ISL2: variants seen among roughly 807,000 people sequenced by gnomAD.
ISL2 encodes the protein insulin gene enhancer protein ISL-2.
In ISL2, 17 loss-of-function variants were observed where a neutral mutation model predicts 34.6. The ratio of observed to expected loss-of-function variants is 0.49; its 90% CI spans 0.34 to 0.74. ISL2 has a LOEUF of 0.74. ISL2 is among the 30% of genes least tolerant of loss of function. The pLI is 0.01. For synonymous variants in ISL2, 232 were observed against 225.5 expected (o/e 1.03, Z -0.26); for missense variants, 469 against 515.2 (o/e 0.91, Z 0.87).
Position 76,338,327 on chromosome 15 carries a change from C to T in ISL2, c.324C>T (p.Ser108=). The part of the protein sequence containing the change: ...SSDLVMRARD[S]VYHIECFRCS... ...ACCTGGTGATGAGGGCGCGGGACAG[C>T]GTGTACCACATCGAGTGCTTCCGCT... Residue 108 remains serine, a synonymous_variant, in exon 3 of 6, where the codon AGC becomes AGT. Transcript: ENST00000290759. 2 of 1,579,270 alleles carry T rather than the reference C, an allele frequency of 1.3e-6. No individual in the cohort carries two copies. The highest frequency in any genetic ancestry group is 1.7e-6 in the Non-Finnish European group (2 of 1,168,448).
At chr15:76,338,075 T>A in intron 2 of ISL2, 108 bp downstream of exon 2, 1 of 1,311,624 alleles carries the variant, frequency 7.6e-7, no homozygotes, top group Non-Finnish European at 1.0e-6. Flanking sequence ...GAGAAGGCCA[T>A]CCGCATCCCG....
intron 5 of ISL2, 124 bp downstream of exon 5, chr15:76,341,425 G>A (rs907962967): frequency 6.5e-5 from 58 of 890,364 alleles, no homozygotes; most frequent in African/African-American, 1.0e-4. Context: ...CCTAGGCGGT[G>A]GGGGAGGGGG....
chr15:76,341,600 C>A (rs1251290046), intron 5 of ISL2, 119 bp from the exon 6 acceptor site: 2 of 810,294 alleles, frequency 2.5e-6, no homozygotes, highest in South Asian at 3.0e-5. Flanking sequence ...CTCCGCAGGG[C>A]TTGCTCTCAG....
Position 76,340,573 on chromosome 15 carries a change from G to C in ISL2, c.795+14G>C. On this transcript the variant is annotated intron_variant, in intron 4 of 5. Coordinates refer to ENST00000290759, the MANE Select transcript of ISL2 (RefSeq NM_145805.3). The stretch of plus-strand genomic sequence containing the variant: ...AGCGACAAGACGGTGAGCAGCCGCT[G>C]GGCCGGAGGCTCGAGTCGGGTGGGG... 1 of 1,595,424 alleles carries C rather than the reference G, an allele frequency of 6.3e-7. No homozygotes were observed. Among genetic ancestry groups the C allele is most frequent in the Non-Finnish European group, 8.6e-7 (1 of 1,168,222 alleles).
In ISL2 at chr15:76,339,801, G is replaced by GC. The variant is rs1427515458; in HGVS notation, c.512-470dup. 67 of 995,450 alleles carry GC rather than the reference G, an allele frequency of 6.7e-5. No individual in the cohort carries two copies. In the South Asian group the frequency reaches 1.2e-3, roughly 17 times the overall value. 61.7% of individuals were successfully genotyped at this position (995,450 alleles called of 1,614,324 possible). Reference sequence around the variant, plus strand: ...TGAAGGAGGGGAAGGGCCCTCGTAGGCCCCCGGCATATTCGCACCTCCCAC... The same window carrying GC: ...TGAAGGAGGGGAAGGGCCCTCGTAGGCCCCCCGGCATATTCGCACCTCCCAC... On this transcript the variant is annotated intron_variant, in intron 3 of 5. Transcript: ENST00000290759.
At chr15:76,337,685 A>T in intron 1 of ISL2, 93 bp from the exon 2 acceptor site, 1 of 1,117,784 alleles carries the variant, frequency 8.9e-7, no homozygotes. Flanking sequence ...AAAGAGCAAG[A>T]GAGCGAGCGG....
intron 4 of ISL2, among the ~76,000 whole-genome samples, 189 bp from the exon 5 acceptor site, chr15:76,340,945 T>C (rs573135852): frequency 6.6e-6 from 1 of 152,242 alleles, no homozygotes; most frequent in African/African-American, 2.4e-5. Context: ...GGCTGACCTA[T>C]CGTGGCAAGT....
rs1195511482 is a variant in ISL2, at chr15:76,342,039, C to T, written c.*204C>T. The T allele has an allele frequency of 7.5e-6, 4 of 529,836 alleles. No homozygotes were observed. The highest frequency in any genetic ancestry group is 5.4e-5 in the South Asian group (2 of 36,860). 32.8% of individuals were successfully genotyped at this position (529,836 alleles called of 1,614,324 possible). The stretch of plus-strand genomic sequence containing the variant: ...TTCACCAGACTGCAGACCCCTGCTC[C>T]GAGGACTCTTAGTTTTTCAAAACCA... On this transcript the variant is annotated 3_prime_UTR_variant, in exon 6 of 6. Coordinates refer to ENST00000290759, the MANE Select transcript of ISL2 (RefSeq NM_145805.3).
intron 3 of ISL2, 34 bp downstream of exon 3, chr15:76,338,548 G>C (rs2040170066): frequency 7.8e-7 from 1 of 1,290,004 alleles, no homozygotes; most frequent in African/African-American, 1.5e-5. Flanking sequence ...GGGGTGAGCG[G>C]GGTGTATGTG....
In ISL2 at chr15:76,336,806, G is replaced by A; in HGVS notation, c.-78G>A. ...TCCGCGGGGCAGTAGGAGTTAGTTA[G>A]CAAAGAGCCGAGGCCGGGCGCGCGA... On this transcript the variant is annotated 5_prime_UTR_variant, in exon 1 of 6. Transcript: ENST00000290759. The A allele has an allele frequency of 3.8e-6, 5 of 1,303,916 alleles. No individual in the cohort carries two copies. Among genetic ancestry groups the A allele is most frequent in the Non-Finnish European group, 5.6e-6 (5 of 899,140 alleles). 80.8% of individuals were successfully genotyped at this position (1,303,916 alleles called of 1,614,324 possible). A position where few individuals can be genotyped will look rare whatever the true frequency, so the allele number is the denominator to read the frequency against.
Position 76,340,538 on chromosome 15 carries a change from G to C in ISL2, c.774G>C (p.Gln258His). The C allele has an allele frequency of 6.2e-7, 1 of 1,609,930 alleles. No homozygotes were observed. The highest frequency in any genetic ancestry group is 8.5e-7 in the Non-Finnish European group (1 of 1,177,270). Reference sequence around the variant, plus strand: ...CCATTCTCATGAAGCAGCTGCAGCAGCAGCAGCACAGCGACAAGACGGTGA... The same window carrying C: ...CCATTCTCATGAAGCAGCTGCAGCACCAGCAGCACAGCGACAAGACGGTGA... ...KKSILMKQLQQQQHSDKTSLQ... is the reference protein window; with the variant it reads ...KKSILMKQLQHQQHSDKTSLQ... Residue 258 changes from glutamine (Q) to histidine (H), a missense_variant, in exon 4 of 6, where the codon CAG becomes CAC. Around this residue, in one of 3 missense-constraint regions of ISL2, gnomAD observed 169 missense variants for 154.2 expected, o/e 1.10. Coordinates refer to ENST00000290759, the MANE Select transcript of ISL2 (RefSeq NM_145805.3).
chr15:76,337,979 G>C lies in ISL2; in HGVS notation c.248+12G>C. The C allele has an allele frequency of 6.5e-7, 1 of 1,549,672 alleles. No homozygotes were observed. Among genetic ancestry groups the C allele is most frequent in the Non-Finnish European group, 8.7e-7 (1 of 1,145,538 alleles). On this transcript the variant is annotated intron_variant, in intron 2 of 5. Transcript: ENST00000290759. ...CGGGACTATGTCAGGTGAGGCCGGC[G>C]GGAACGCGGGCTGGGCCACCGCGCG... is the stretch of plus-strand genomic sequence containing the variant.
chr15:76,341,920 G>T lies in ISL2; in HGVS notation c.*85G>T. On this transcript the variant is annotated 3_prime_UTR_variant, in exon 6 of 6. Transcript: ENST00000290759. Reference sequence around the variant, plus strand: ...TGCTCAGGCCATTCCAGTTCCGAAAGCTCTCTCGCCTTCGTAATTATTCTA... The same window carrying T: ...TGCTCAGGCCATTCCAGTTCCGAAATCTCTCTCGCCTTCGTAATTATTCTA... 2.3e-6 allele frequency: 2 copies of T among 866,730 alleles called. No individual in the cohort carries two copies. Among genetic ancestry groups the T allele is most frequent in the Non-Finnish European group, 3.9e-6 (2 of 511,430 alleles). The allele number at this position is 866,730 out of a possible 1,614,324, so 53.7% of individuals were successfully genotyped here.
intron 5 of ISL2, 70 bp from the exon 6 acceptor site, chr15:76,341,649 G>A: frequency 1.7e-6 from 2 of 1,190,248 alleles, no homozygotes; most frequent in Non-Finnish European, 2.5e-6. Context: ...CCGACTCGGA[G>A]CACGCGGCCC....
intron 3 of ISL2, chr15:76,338,747 G>A: frequency 1.0e-6 from 1 of 985,444 alleles, no homozygotes; most frequent in Non-Finnish European, 1.2e-6. Flanking sequence ...GAATTGTGCA[G>A]AATCGTGTTC....
Position 76,337,923 on chromosome 15 carries a change from C to T in ISL2, c.204C>T (p.Cys68=). The T allele has an allele frequency of 6.2e-7, 1 of 1,611,034 alleles. No individual in the cohort carries two copies. The highest frequency in any genetic ancestry group is 1.7e-5 in the Admixed American group (1 of 59,844). The change falls in exon 2 of 6, where the codon TGC becomes TGT. Residue 68 remains cysteine, a synonymous_variant. Transcript: ENST00000290759. ...AGTACCTGGACGAGACGTGCACGTG[C>T]TTCGTGAGAGACGGGAAGACCTACT... ...CSQYLDETCT[C]FVRDGKTYCK... is the part of the protein sequence containing the mutation.
intron 3 of ISL2, chr15:76,339,772 G>A: frequency 1.0e-6 from 1 of 993,138 alleles, no homozygotes; most frequent in Non-Finnish European, 1.2e-6. Flanking sequence ...GTCCAAATGG[G>A]CTCTGAAGGA....
In ISL2 at chr15:76,340,528, A is replaced by G. The variant is rs2040185693; in HGVS notation, c.764A>G (p.Gln255Arg). ...AAGAAGAAATCCATTCTCATGAAGC[A>G]GCTGCAGCAGCAGCAGCACAGCGAC... ...KDKKKSILMK[Q>R]LQQQQHSDKT... The change falls in exon 4 of 6, where the codon CAG (glutamine) becomes CGG (arginine). Residue 255 changes from glutamine to arginine, a missense_variant. Coordinates refer to ENST00000290759, the MANE Select transcript of ISL2 (RefSeq NM_145805.3). 6.2e-7 allele frequency: 1 copy of G among 1,610,906 alleles called. No homozygotes were observed. Among genetic ancestry groups the G allele is most frequent in the African/African-American group, 1.3e-5 (1 of 74,886 alleles).
Position 76,340,483 on chromosome 15 carries a change from A to C in ISL2, c.719A>C (p.Gln240Pro). ...CCGCGGGTCATCCGCGTCTGGTTCC[A>C]GAACAAGCGCTGCAAGGACAAGAAG... ...LSPRVIRVWF[Q>P]NKRCKDKKKS... The change falls in exon 4 of 6, where the codon CAG becomes CCG. Residue 240 changes from glutamine to proline, a missense_variant. Transcript: ENST00000290759. The C allele has an allele frequency of 6.2e-7, 1 of 1,613,860 alleles. No individual in the cohort carries two copies. The highest frequency in any genetic ancestry group is 8.5e-7 in the Non-Finnish European group (1 of 1,180,002).
Sources: gnomAD v4.1 joint callset for allele counts (sites outside exome capture counted in the v4.1 genomes callset) on GRCh38, gnomAD v4.1.1 for gene constraint, gnomAD v4.1.1 regional missense constraint, MANE v1.5 for transcripts, NCBI Gene and HGNC (gene_info 2026-07-23, HGNC 2026-07-21) for gene names.